DPP10: variants seen among roughly 807,000 people sequenced by gnomAD.
DPP10 encodes the protein dipeptidyl peptidase like 10, also known as inactive dipeptidyl peptidase 10.
DPP10 carries 33 observed loss-of-function variants against 120.9 expected under a neutral mutation model. That is an observed-to-expected ratio of 0.27 (90% CI 0.21 to 0.37). The LOEUF (loss-of-function observed/expected upper bound fraction) is 0.37. DPP10 is among the 10% of genes least tolerant of loss of function. DPP10 has a pLI of 1.00. For synonymous variants in DPP10, 337 were observed against 326.1 expected (o/e 1.03, Z -0.36); for missense variants, 816 against 942.8 (o/e 0.87, Z 1.76).
chr2:115,365,523 T>A (rs1305467864), intron 3 of DPP10, among the ~76,000 whole-genome samples: 1 of 152,086 alleles, frequency 6.6e-6, no homozygotes, highest in African/African-American at 2.4e-5. Context: ...TTTCCATGTT[T>A]AAGAATTTAT....
chr2:114,479,328 A>G (rs1422396084), intron 1 of DPP10, among the ~76,000 whole-genome samples: 3 of 152,130 alleles, frequency 2.0e-5, no homozygotes, highest in Non-Finnish European at 4.4e-5. Context: ...GAATCATTCT[A>G]CCTGTTTTAA....
At chr2:114,813,960 AC>A (rs1685404057) in intron 1 of DPP10, among the ~76,000 whole-genome samples, 1 of 151,378 alleles carries the variant, frequency 6.6e-6, no homozygotes, top group Non-Finnish European at 1.5e-5. Context: ...ACACACACAC[AC>A]ACACACACAC....
At chr2:114,548,737 C>T (rs1029748941) in intron 1 of DPP10, among the ~76,000 whole-genome samples, 3 of 152,176 alleles carry the variant, frequency 2.0e-5, no homozygotes, top group African/African-American at 7.2e-5. Context: ...GGGGCAGTAA[C>T]CTCCAACAGG....
At chr2:115,625,315 T>TGCA (rs2085274228) in intron 5 of DPP10, among the ~76,000 whole-genome samples, 1 of 152,164 alleles carries the variant, frequency 6.6e-6, no homozygotes, top group Non-Finnish European at 1.5e-5. Context: ...TATTTAAAAT[T>TGCA]ACTGTAATTG....
intron 1 of DPP10, among the ~76,000 whole-genome samples, chr2:115,097,488 T>C (rs554841404): frequency 6.6e-6 from 1 of 152,176 alleles, no homozygotes; most frequent in Non-Finnish European, 1.5e-5. Context: ...TAACAAACTA[T>C]AAAATGAACA....
At chr2:115,142,957 C>T (rs2051010413) in intron 1 of DPP10, among the ~76,000 whole-genome samples, 1 of 152,074 alleles carries the variant, frequency 6.6e-6, no homozygotes, top group African/African-American at 2.4e-5. Context: ...GGGGCTAGAT[C>T]TTGTATTGGA....
intron 19 of DPP10, among the ~76,000 whole-genome samples, chr2:115,793,351 C>A (rs1684199180): frequency 6.6e-6 from 1 of 151,736 alleles, no homozygotes; most frequent in Non-Finnish European, 1.5e-5. Context: ...AAATATATTA[C>A]CATAGTTTTT....
At chr2:115,707,669 C>T (rs1029674277) in intron 7 of DPP10, among the ~76,000 whole-genome samples, 2 of 151,584 alleles carry the variant, frequency 1.3e-5, no homozygotes, top group East Asian at 3.9e-4. Context: ...TATTATGGGA[C>T]TAGTAAAATA....
chr2:114,623,513 A>G (rs1694258873), intron 1 of DPP10, among the ~76,000 whole-genome samples: 1 of 152,146 alleles, frequency 6.6e-6, no homozygotes, highest in Non-Finnish European at 1.5e-5. Flanking sequence ...GATTTTTATA[A>G]AACAGACTTT....
intron 5 of DPP10, among the ~76,000 whole-genome samples, chr2:115,548,702 G>T (rs576190176): frequency 4.4e-4 from 67 of 152,246 alleles, no homozygotes; most frequent in African/African-American, 1.6e-3. Flanking sequence ...AACAGCCGTT[G>T]ATAAACATCA....
At chr2:114,475,273 G>T (rs1680278349) in intron 1 of DPP10, among the ~76,000 whole-genome samples, 2 of 152,104 alleles carry the variant, frequency 1.3e-5, no homozygotes, top group Admixed American at 6.5e-5. Flanking sequence ...ATAATAAATA[G>T]TAATGGAATG....
chr2:114,592,724 T>C (rs1483749783), intron 1 of DPP10, among the ~76,000 whole-genome samples: 1 of 152,048 alleles, frequency 6.6e-6, no homozygotes, highest in East Asian at 1.9e-4. Flanking sequence ...ATCAAATACA[T>C]TGAAATTAAA....
At chr2:114,909,286 T>C (rs1694194359) in intron 1 of DPP10, among the ~76,000 whole-genome samples, 1 of 152,010 alleles carries the variant, frequency 6.6e-6, no homozygotes, top group South Asian at 2.1e-4. Context: ...GCAAATTTTC[T>C]ATATGGACTA....
At chr2:115,159,891 A>T (rs1346894329) in intron 1 of DPP10, among the ~76,000 whole-genome samples, 2 of 152,192 alleles carry the variant, frequency 1.3e-5, no homozygotes, top group Non-Finnish European at 2.9e-5. Context: ...TCCCTCCAGC[A>T]TGTACTTATC....
At chr2:114,998,220 T>C (rs572266132) in intron 1 of DPP10, among the ~76,000 whole-genome samples, 67 of 152,338 alleles carry the variant, frequency 4.4e-4, no homozygotes, top group African/African-American at 1.4e-3. Flanking sequence ...GTTTATGTTG[T>C]TAGATCAAAA....
At position 114,942,302 on chromosome 2, in the gene DPP10, T is replaced by TATATATATATATATATATATAC. The variant is rs1165816753; in HGVS notation, c.61-366918_61-366917insTACATATATATATATATATATA. ...AAAAAAATGTGTATATATATACATA[T>TATATATATATATATATATATAC]ATATATATATATATATATACACACA... On this transcript the variant is annotated intron_variant, in intron 1 of 25. Coordinates refer to ENST00000410059, the MANE Select transcript of DPP10 (RefSeq NM_020868.6). 1.3e-3 allele frequency among the ~76,000 whole-genome samples: 158 copies of TATATATATATATATATATATAC among 121,496 alleles called. 2 individuals are homozygous for TATATATATATATATATATATAC. Among genetic ancestry groups the TATATATATATATATATATATAC allele is most frequent in the Middle Eastern group, 7.7e-3 (2 of 260 alleles). 79.7% of individuals were successfully genotyped at this position (121,496 alleles called of 152,430 possible).
At chr2:114,739,127 G>T (rs1574076348) in intron 1 of DPP10, among the ~76,000 whole-genome samples, 1 of 152,058 alleles carries the variant, frequency 6.6e-6, no homozygotes, top group Non-Finnish European at 1.5e-5. Context: ...TTGCTAAATG[G>T]TTGTCATTCT....
chr2:114,645,466 T>C (rs1018859489), intron 1 of DPP10, among the ~76,000 whole-genome samples: 8 of 152,238 alleles, frequency 5.3e-5, no homozygotes, highest in Non-Finnish European at 1.0e-4. Context: ...GCACGAGAAC[T>C]GAAAGCATAA....
intron 5 of DPP10, among the ~76,000 whole-genome samples, chr2:115,571,355 T>C (rs1242801870): frequency 6.6e-6 from 1 of 152,094 alleles, no homozygotes; most frequent in Non-Finnish European, 1.5e-5. Context: ...TAGTACCTAG[T>C]AGTTAGTTTT....
Sources: allele counts gnomAD v4.1 joint callset (sites outside exome capture counted in the v4.1 genomes callset), GRCh38; gene constraint gnomAD v4.1.1; transcripts MANE v1.5; gene names NCBI Gene and HGNC (gene_info 2026-07-23, HGNC 2026-07-21).